MSH4: variants seen among roughly 807,000 people sequenced by gnomAD.
MSH4 encodes mutS homolog 4.
In MSH4, 106 loss-of-function variants were observed where a neutral mutation model predicts 113.7. That is an observed-to-expected ratio of 0.93 (90% CI 0.80 to 1.10). MSH4 has a LOEUF of 1.10. Ranked by LOEUF, MSH4 falls within the 50% of genes least tolerant of loss-of-function variation. The pLI is 0.00. For missense variants in MSH4, 1,061 were observed against 1,093.7 expected (o/e 0.97, Z 0.42); for synonymous variants, 368 against 380.2 (o/e 0.97, Z 0.37).
intron 2 of MSH4, among the ~76,000 whole-genome samples, chr1:75,805,386 T>G (rs1014992938): frequency 1.4e-3 from 10 of 7,190 alleles, no homozygotes; most frequent in Admixed American, 0.012. Context: ...ATTTTTTGTT[T>G]TTTTTTTTTT....
intron 19 of MSH4, among the ~76,000 whole-genome samples, chr1:75,910,222 T>C (rs1268584575): frequency 6.6e-6 from 1 of 152,172 alleles, no homozygotes; most frequent in Non-Finnish European, 1.5e-5. Flanking sequence ...CAAAGTTTTC[T>C]CTTAAATACC....
intron 8 of MSH4, among the ~76,000 whole-genome samples, chr1:75,865,625 T>C (rs993763668): frequency 2.0e-5 from 3 of 152,128 alleles, no homozygotes; most frequent in African/African-American, 4.8e-5. Flanking sequence ...AAGTTTGTGA[T>C]TGGAGAGTTT....
chr1:75,885,059 G>GTGTGTGTGTGTGTGTGTGTGTA (rs1300289205), intron 15 of MSH4, among the ~76,000 whole-genome samples: 1 of 112,558 alleles, frequency 8.9e-6, no homozygotes, highest in Non-Finnish European at 1.7e-5. Context: ...GTGTGTGTGT[G>GTGTGTGTGTGTGTGTGTGTGTA]TATATATATA....
intron 19 of MSH4, among the ~76,000 whole-genome samples, chr1:75,909,711 A>C (rs1475054278): frequency 1.2e-5 from 1 of 82,338 alleles, no homozygotes; most frequent in Non-Finnish European, 2.5e-5. Flanking sequence ...CTTTTTATTT[A>C]TTATTTAGCT....
intron 19 of MSH4, among the ~76,000 whole-genome samples, chr1:75,909,044 T>C (rs1222921296): frequency 3.3e-5 from 5 of 152,164 alleles, no homozygotes; most frequent in African/African-American, 1.2e-4. Context: ...GAGTTTCTAA[T>C]TCCACTCCCC....
chr1:75,855,256 T>G, intron 8 of MSH4, among the ~76,000 whole-genome samples: 1 of 152,280 alleles, frequency 6.6e-6, no homozygotes, highest in East Asian at 1.9e-4. Flanking sequence ...CAGGCTTGTC[T>G]TGAACTCCTG....
intron 8 of MSH4, among the ~76,000 whole-genome samples, chr1:75,861,438 A>ATGG (rs1053810278): frequency 6.6e-6 from 1 of 151,976 alleles, no homozygotes; most frequent in Non-Finnish European, 1.5e-5. Context: ...TAACCTACGG[A>ATGG]TGGGGTTTTG....
At chr1:75,817,784 A>G (rs1274038909) in intron 6 of MSH4, among the ~76,000 whole-genome samples, 1 of 58,436 alleles carries the variant, frequency 1.7e-5, no homozygotes, top group Non-Finnish European at 3.5e-5. Context: ...TCCTTTTAGA[A>G]ATAAGTTCTC....
At chr1:75,860,972 T>C (rs1193396694) in intron 8 of MSH4, among the ~76,000 whole-genome samples, 1 of 152,198 alleles carries the variant, frequency 6.6e-6, no homozygotes, top group Non-Finnish European at 1.5e-5. Context: ...TTTTCACTCT[T>C]TTTTCTCTAA....
intron 4 of MSH4, among the ~76,000 whole-genome samples, chr1:75,814,573 T>G (rs1183840949): frequency 6.6e-6 from 1 of 152,198 alleles, no homozygotes; most frequent in East Asian, 1.9e-4. Context: ...CCTGGGGCAT[T>G]ATAAGAATCT....
intron 6 of MSH4, among the ~76,000 whole-genome samples, chr1:75,817,301 C>T (rs1650313265): frequency 6.6e-6 from 1 of 152,266 alleles, no homozygotes; most frequent in African/African-American, 2.4e-5. Flanking sequence ...CTTTACTAGT[C>T]ATTAGGGAAC....
chr1:75,812,921 G>A (rs970951807), intron 4 of MSH4, among the ~76,000 whole-genome samples: 9 of 152,118 alleles, frequency 5.9e-5, no homozygotes, highest in Non-Finnish European at 7.3e-5. Flanking sequence ...TTAGTGTTTC[G>A]TTCAAGTCTT....
At chr1:75,806,882 A>G (rs185499616) in intron 2 of MSH4, 99 bp from the exon 3 acceptor site, 236 of 1,084,228 alleles carry the variant, frequency 2.2e-4, no homozygotes, top group Non-Finnish European at 2.2e-4. Context: ...TACAGATTGC[A>G]TTATTTTGTC....
chr1:75,834,349 A>T (rs747361518), intron 7 of MSH4, among the ~76,000 whole-genome samples: 7 of 152,240 alleles, frequency 4.6e-5, no homozygotes, highest in Non-Finnish European at 7.3e-5. Flanking sequence ...AAACTAGTTC[A>T]ACCATTGTGG....
intron 7 of MSH4, among the ~76,000 whole-genome samples, chr1:75,827,045 C>A (rs1421459144): frequency 1.3e-5 from 2 of 151,630 alleles, no homozygotes; most frequent in African/African-American, 4.8e-5. Flanking sequence ...GTCAGATTCG[C>A]CAAGGTTGAA....
chr1:75,904,429 T>G (rs1282648884), intron 19 of MSH4, among the ~76,000 whole-genome samples: 1 of 152,172 alleles, frequency 6.6e-6, no homozygotes, highest in Admixed American at 6.5e-5. Context: ...ATAATTTGAT[T>G]AGACTTGCTA....
chr1:75,832,220 C>T (rs1408129501), intron 7 of MSH4, among the ~76,000 whole-genome samples: 3 of 152,144 alleles, frequency 2.0e-5, no homozygotes, highest in Non-Finnish European at 1.5e-5. Context: ...CATACACCCT[C>T]CCAAGACTAA....
chr1:75,842,849 C>A (rs1242312722), intron 7 of MSH4, among the ~76,000 whole-genome samples: 1 of 152,142 alleles, frequency 6.6e-6, no homozygotes, highest in Non-Finnish European at 1.5e-5. Flanking sequence ...AGAGAAGACT[C>A]TACTCCTCCA....
At chr1:75,886,825 CAT>C (rs561929604) in intron 15 of MSH4, among the ~76,000 whole-genome samples, 15 of 49,186 alleles carry the variant, frequency 3.0e-4, no homozygotes, top group South Asian at 1.4e-3. Context: ...CACACTGGTA[CAT>C]ATATATATAT....
Sources: allele counts gnomAD v4.1 joint callset (sites outside exome capture counted in the v4.1 genomes callset), GRCh38; gene constraint gnomAD v4.1.1; transcripts MANE v1.5; gene names NCBI Gene and HGNC (gene_info 2026-07-23, HGNC 2026-07-21).